NINJ2: variants seen among roughly 807,000 people sequenced by gnomAD.
NINJ2 encodes the protein ninjurin 2, also known as ninjurin-2.
A neutral mutation model predicts 11.7 loss-of-function variants in NINJ2; 12 were observed. The observed-to-expected ratio is 1.02, with a 90% confidence interval of 0.66 to 1.66. NINJ2 has a LOEUF of 1.66. Among genes scored for constraint, NINJ2 ranks in the 40% most tolerant of loss-of-function variants. The pLI, the probability that NINJ2 is intolerant of heterozygous loss-of-function variation, is 0.00. For synonymous variants in NINJ2, 93 were observed against 76.8 expected (o/e 1.21, Z -1.10); for missense variants, 187 against 181.8 (o/e 1.03, Z -0.16).
chr12:576,202 G>T (rs535328013), intron 1 of NINJ2, among the ~76,000 whole-genome samples: 34 of 152,188 alleles, frequency 2.2e-4, no homozygotes, highest in Non-Finnish European at 3.8e-4. Flanking sequence ...TGCAAACTGG[G>T]GCCTAAAGCT....
Position 663,337 on chromosome 12 carries a change from G to A in NINJ2, c.24C>T (p.Ile8=), listed in dbSNP as rs1243611098. 9.3e-6 allele frequency: 15 copies of A among 1,614,058 alleles called. No homozygotes were observed. Among genetic ancestry groups the A allele is most frequent in the Non-Finnish European group, 1.3e-5 (15 of 1,179,976 alleles). Residue 8 remains isoleucine (I), a synonymous_variant, in exon 1 of 4, where the codon ATC becomes ATT. Coordinates refer to ENST00000305108, the MANE Select transcript of NINJ2 (RefSeq NM_016533.6). ...TCCAGAGAGAACTTACTTGAAGGTC[G>A]ATGTTTTCTCTTGCTGATTCCATCT... The part of the protein sequence containing the change: MESAREN[I]DLQPGSSDPR...
rs568457977 is a variant in NINJ2 at position 587,712 on chromosome 12, G to T, written c.34-21534C>A. ...CAGGTGGGGGGTGGGGGTGGCCAGG[G>T]ACCCTGCGCCTCACAGGCAGGTCAC... On this transcript the variant is annotated intron_variant, in intron 1 of 3. Coordinates refer to ENST00000305108, the MANE Select transcript of NINJ2 (RefSeq NM_016533.6). Among the ~76,000 whole-genome samples, 9 of 152,274 alleles carry T rather than the reference G, an allele frequency of 5.9e-5. No homozygotes were observed. The East Asian group carries it at 1.7e-3, about 29-fold the overall frequency.
intron 1 of NINJ2, among the ~76,000 whole-genome samples, chr12:636,512 ACTC>A (rs769378177): frequency 6.6e-6 from 1 of 152,088 alleles, no homozygotes; most frequent in African/African-American, 2.4e-5. Flanking sequence ...TAGATAAAGA[ACTC>A]CTACAACTTA....
intron 1 of NINJ2, among the ~76,000 whole-genome samples, chr12:652,939 C>G (rs1266744768): frequency 6.9e-6 from 1 of 145,214 alleles, no homozygotes; most frequent in African/African-American, 2.5e-5. Context: ...AAGAGCAAAA[C>G]TCTGTCTCAA....
At chr12:659,103 A>C (rs556929880) in intron 1 of NINJ2, among the ~76,000 whole-genome samples, 1 of 150,208 alleles carries the variant, frequency 6.7e-6, no homozygotes, top group South Asian at 2.1e-4. Flanking sequence ...CTTTAAAAAC[A>C]ATAAAACAAA....
In NINJ2 at chr12:585,423, C is replaced by T. The variant is rs866322063; in HGVS notation, c.34-19245G>A. Among the ~76,000 whole-genome samples the T allele has an allele frequency of 2.0e-5, 3 of 152,160 alleles. No homozygotes were observed. The highest frequency in any genetic ancestry group is 7.2e-5 in the African/African-American group (3 of 41,426). On this transcript the variant is annotated intron_variant, in intron 1 of 3. Coordinates refer to ENST00000305108, the MANE Select transcript of NINJ2 (RefSeq NM_016533.6). The surrounding 1 kb of genome is among the most constrained non-coding windows in gnomAD (Gnocchi z 4.1). ...AGGAAGCCCCACGATTCAACAGCAC[C>T]ACCCAGGATTTCAGTGTCAGTCCTA...
In NINJ2 at chr12:581,900, AC is replaced by A. The variant is rs1416443712; in HGVS notation, c.34-15723del. 2.0e-5 allele frequency among the ~76,000 whole-genome samples: 3 copies of A among 152,126 alleles called. No individual in the cohort carries two copies. Among genetic ancestry groups the A allele is most frequent in the Middle Eastern group, 3.2e-3 (1 of 314 alleles). On this transcript the variant is annotated intron_variant, in intron 1 of 3. Coordinates refer to ENST00000305108, the MANE Select transcript of NINJ2 (RefSeq NM_016533.6). This position sits in a 1 kb window ranked among gnomAD's most constrained non-coding sequence, Gnocchi z 4.9. ...AACTCAGCCCCAAGGTGTCCTGAGA[AC>A]CAGATTCTCCGCGGACGCTGAACAC...
chr12:610,597 C>T (rs960258042), intron 1 of NINJ2: 5 of 985,380 alleles, frequency 5.1e-6, no homozygotes, highest in Non-Finnish European at 6.0e-6. Flanking sequence ...TCTGTTCAGC[C>T]CAGCCACAGG....
intron 1 of NINJ2, among the ~76,000 whole-genome samples, chr12:627,623 G>A (rs1029687360): frequency 2.6e-5 from 4 of 152,240 alleles, no homozygotes; most frequent in African/African-American, 9.6e-5. Context: ...GGGTACAGCT[G>A]CAGCATACTG....
At chr12:608,141 C>T (rs1947963862) in intron 1 of NINJ2, among the ~76,000 whole-genome samples, 1 of 152,178 alleles carries the variant, frequency 6.6e-6, no homozygotes, top group Non-Finnish European at 1.5e-5. Flanking sequence ...CCACCAATTA[C>T]GTGGCACTGT....
At chr12:605,725 GGTTTTGGGGTTT>G (rs1479289965) in intron 1 of NINJ2, among the ~76,000 whole-genome samples, 12 of 152,162 alleles carry the variant, frequency 7.9e-5, no homozygotes, top group African/African-American at 2.9e-4. Context: ...GAAGATGAGG[GGTTTTGGGGTTT>G]GTTTTTCGAA....
Position 566,132 on chromosome 12 carries a change from T to A in NINJ2, c.80A>T (p.Tyr27Phe), listed in dbSNP as rs145354763. The change falls in exon 2 of 4, where the codon TAC becomes TTC. Residue 27 changes from tyrosine (Y) to phenylalanine (F), a missense_variant. Transcript: ENST00000305108. Reference protein sequence around the residue: ...PRSQPINLNHYATKKSVAESM... With the variant: ...PRSQPINLNHFATKKSVAESM... Reference sequence around the variant, plus strand: ...CTCCGCCACGCTCTTCTTGGTGGCGTAATGGTTCAGGTTGATGGGCTGGCT... The same window carrying A: ...CTCCGCCACGCTCTTCTTGGTGGCGAAATGGTTCAGGTTGATGGGCTGGCT... 193 of 1,613,954 alleles carry A rather than the reference T, an allele frequency of 1.2e-4. No individual in the cohort carries two copies. The highest frequency in any genetic ancestry group is 8.2e-4 in the Middle Eastern group (5 of 6,062).
chr12:581,329 G>A lies in NINJ2; in HGVS notation c.34-15151C>T, dbSNP rs962743008. On this transcript the variant is annotated intron_variant, in intron 1 of 3. Coordinates refer to ENST00000305108, the MANE Select transcript of NINJ2 (RefSeq NM_016533.6). This position sits in a 1 kb window ranked among gnomAD's most constrained non-coding sequence, Gnocchi z 4.9. ...ATCCGGAGGGAGCTCGGGGGGCCCA[G>A]GAGGTCAAGATAGAGAAGTCCCTGA... 6.6e-6 allele frequency among the ~76,000 whole-genome samples: 1 copy of A among 152,166 alleles called. No individual in the cohort carries two copies.
intron 1 of NINJ2, among the ~76,000 whole-genome samples, chr12:636,931 T>C (rs755823319): frequency 1.3e-5 from 2 of 152,168 alleles, no homozygotes; most frequent in African/African-American, 2.4e-5. Context: ...CTCAGATACC[T>C]ATACACCAAT....
chr12:619,968 G>C (rs1420640339), intron 1 of NINJ2, among the ~76,000 whole-genome samples: 1 of 152,222 alleles, frequency 6.6e-6, no homozygotes, highest in Admixed American at 6.5e-5. Flanking sequence ...GGAGGGCTCA[G>C]CTGCCAGCTT....
intron 1 of NINJ2, among the ~76,000 whole-genome samples, chr12:576,067 C>G (rs979853669): frequency 6.6e-6 from 1 of 152,224 alleles, no homozygotes; most frequent in Non-Finnish European, 1.5e-5. Flanking sequence ...AATCAACAGT[C>G]TCTAATCCAC....
At chr12:658,602 A>C (rs899670642) in intron 1 of NINJ2, among the ~76,000 whole-genome samples, 1 of 152,130 alleles carries the variant, frequency 6.6e-6, no homozygotes, top group African/African-American at 2.4e-5. Context: ...GGAGCAATGA[A>C]GAGGCAGAAT....
chr12:629,054 G>C (rs922059509), intron 1 of NINJ2, among the ~76,000 whole-genome samples: 1 of 152,074 alleles, frequency 6.6e-6, no homozygotes, highest in East Asian at 1.9e-4. Flanking sequence ...AGCCATTCTC[G>C]TGTTTCTTTA....
chr12:588,213 G>C (rs12582794), intron 1 of NINJ2, among the ~76,000 whole-genome samples: 1 of 142,258 alleles, frequency 7.0e-6, no homozygotes, highest in African/African-American at 2.6e-5. Flanking sequence ...CGGAAGGGAC[G>C]GAGGGGACGG....
Sources: gnomAD v4.1 joint callset for allele counts (sites outside exome capture counted in the v4.1 genomes callset) on GRCh38, gnomAD v4.1.1 for gene constraint, Gnocchi (gnomAD v3.1) non-coding constraint, MANE v1.5 for transcripts, NCBI Gene and HGNC (gene_info 2026-07-23, HGNC 2026-07-21) for gene names.